SLC16A11: variants seen among roughly 807,000 people sequenced by gnomAD.
The protein encoded by SLC16A11 is solute carrier family 16 member 11.
In SLC16A11, 24 loss-of-function variants were observed where a neutral mutation model predicts 26.0. The observed-to-expected ratio is 0.92, with a 90% CI of 0.67 to 1.30. The LOEUF is 1.30. SLC16A11 is among the 50% of genes most tolerant of loss of function. SLC16A11 has a pLI of 0.00. For synonymous variants in SLC16A11, 332 were observed against 296.0 expected, an observed-to-expected ratio of 1.12 and a Z score of -1.25; for missense variants, 638 against 597.7, an observed-to-expected ratio of 1.07 and a Z score of -0.70.
rs1910857328 is a variant in SLC16A11, at chr17:7,043,391, G to A, written c.123C>T (p.Asp41=). The A allele has an allele frequency of 6.2e-7, 1 of 1,609,604 alleles. No homozygotes were observed. Residue 41 remains aspartate, a synonymous_variant, in exon 2 of 5, where the codon GAC becomes GAT. Transcript: ENST00000574600. The stretch of plus-strand genomic sequence containing the variant: ...CGCTTCGGTCAAAGTGCTCGGCAAG[G>A]TCAGGGAAGGCAAGGCCCAGCGAGC... The part of the protein sequence containing the change: ...LLRSLGLAFP[D]LAEHFDRSAQ...
chr17:7,043,198 T>C, intron 2 of SLC16A11, 114 bp downstream of exon 2: 3 of 1,477,430 alleles, frequency 2.0e-6, no homozygotes, highest in Admixed American at 2.4e-5. Flanking sequence ...GATGCACTCT[T>C]TTCTAGAGCC....
Position 7,042,140 on chromosome 17 carries a change from C to G in SLC16A11, c.970G>C (p.Ala324Pro), listed in dbSNP as rs1910770036. The G allele has an allele frequency of 6.3e-7, 1 of 1,590,566 alleles. No individual in the cohort carries two copies. Among genetic ancestry groups the G allele is most frequent in the African/African-American group, 1.3e-5 (1 of 74,202 alleles). The change falls in exon 4 of 5, where the codon GCC becomes CCC. Residue 324 changes from alanine (A) to proline (P), a missense_variant. Physicochemically the swap from Ala to Pro is conservative, Grantham distance 27. Transcript: ENST00000574600. The surrounding 1 kb of genome is among the most constrained non-coding windows in gnomAD (Gnocchi z 5.9). ...TAACTCCCCGCGCTCAGCCCATAGG[C>G]CACAGCCGCGGCCAGCAGGGGACCC... is the stretch of plus-strand genomic sequence containing the variant. ...WGGPLLAAAV[A>P]YGLSAGSYAP...
rs1337935508 is a variant in SLC16A11 at position 7,042,744 on chromosome 17, C to T, written c.366G>A (p.Val122=). 4 of 1,538,880 alleles carry T rather than the reference C, an allele frequency of 2.6e-6. No homozygotes were observed. The highest frequency in any genetic ancestry group is 2.6e-6 in the Non-Finnish European group (3 of 1,145,512). ...GLLAGFGWAL[V]FAPALGTLSR... ...AGAGGGTGCCTAGGGCGGGGGCGAA[C>T]ACCAGGGCCCAACCAAAGCCTGCGA... The change falls in exon 4 of 5, where the codon GTG becomes GTA. Residue 122 remains valine (V), a synonymous_variant. Coordinates refer to ENST00000574600, the MANE Select transcript of SLC16A11 (RefSeq NM_001370549.1). This position sits in a 1 kb window ranked among gnomAD's most constrained non-coding sequence, Gnocchi z 5.9.
Position 7,042,969 on chromosome 17 carries a change from C to T in SLC16A11, c.307G>A (p.Asp103Asn), listed in dbSNP as rs557902498. 1.2e-6 allele frequency: 2 copies of T among 1,612,580 alleles called. No homozygotes were observed. Among genetic ancestry groups the T allele is most frequent in the Admixed American group, 1.7e-5 (1 of 59,896 alleles). The stretch of plus-strand genomic sequence containing the variant: ...AGGCCGAGGTAGAGATGCAGCAGAT[C>T]GCTGGCGAAAGCCGAGAAGACGAAG... The part of the protein sequence containing the change: ...LGFVFSAFAS[D>N]LLHLYLGLGL... Residue 103 changes from aspartate to asparagine, a missense_variant, in exon 3 of 5, where the codon GAT becomes AAT. Transcript: ENST00000574600. The surrounding 1 kb of genome is among the most constrained non-coding windows in gnomAD (Gnocchi z 5.9).
At chr17:7,043,711 G>A in intron 1 of SLC16A11, 64 bp downstream of exon 1, 1 of 1,176,696 alleles carries the variant, frequency 8.5e-7, no homozygotes, top group African/African-American at 1.6e-5. Context: ...GAGGTACGGG[G>A]ACGGGGACAG....
chr17:7,043,622 G>T, intron 1 of SLC16A11, 103 bp from the exon 2 acceptor site: 1 of 1,503,186 alleles, frequency 6.7e-7, no homozygotes. Context: ...GCCCGGGGTG[G>T]GCCCGTCACT....
At chr17:7,041,938 C>G (rs761023764) in intron 4 of SLC16A11, 30 bp from the exon 5 acceptor site, 4 of 1,609,724 alleles carry the variant, frequency 2.5e-6, no homozygotes, top group East Asian at 4.5e-5. Context: ...CATTTAGAAG[C>G]CTCGAACCCC....
chr17:7,041,741 C>T lies in SLC16A11; in HGVS notation c.1282G>A (p.Ala428Thr), dbSNP rs1016367289. The T allele has an allele frequency of 3.7e-6, 6 of 1,612,864 alleles. No individual in the cohort carries two copies. Among genetic ancestry groups the T allele is most frequent in the African/African-American group, 2.7e-5 (2 of 74,832 alleles). Residue 428 changes from alanine (A) to threonine (T), a missense_variant, in exon 5 of 5, where the codon GCT becomes ACT. Ala to Thr is a moderately conservative substitution (Grantham distance 58). Transcript: ENST00000574600. The stretch of plus-strand genomic sequence containing the variant: ...GGGGACAGCAAGACTGCCTGGGGAG[C>T]GGGAAGCAGCTCCCCCGTCTCTGGG... ...PPPETGELLP[A>T]PQAVLLSPGG...
intron 1 of SLC16A11, 57 bp downstream of exon 1, chr17:7,043,718 A>G (rs1910879255): frequency 9.0e-7 from 1 of 1,108,044 alleles, no homozygotes; most frequent in Non-Finnish European, 1.2e-6. Flanking sequence ...GGGGACGGGG[A>G]CAGCCAGATC....
chr17:7,042,597 G>A lies in SLC16A11; in HGVS notation c.513C>T (p.Gly171=), dbSNP rs1567734546. The A allele has an allele frequency of 5.1e-6, 8 of 1,582,470 alleles. No homozygotes were observed. The highest frequency in any genetic ancestry group is 6.9e-6 in the Non-Finnish European group (8 of 1,167,578). Residue 171 remains glycine (G), a synonymous_variant, in exon 4 of 5, where the codon GGC becomes GGT. Coordinates refer to ENST00000574600, the MANE Select transcript of SLC16A11 (RefSeq NM_001370549.1). The surrounding 1 kb of genome is among the most constrained non-coding windows in gnomAD (Gnocchi z 5.9). ...QLLLDTFGWR[G]ALLLLGAITL... ...TGATCGCGCCGAGGAGGAGCAGAGCGCCCCGCCAGCCGAAAGTATCGAGAA... is the reference window on the plus strand; with the variant it reads ...TGATCGCGCCGAGGAGGAGCAGAGCACCCCGCCAGCCGAAAGTATCGAGAA...
In SLC16A11 at chr17:7,043,840, C is replaced by A. The variant is rs1910885203; in HGVS notation, c.-72G>T. 1 of 434,950 alleles carries A rather than the reference C, an allele frequency of 2.3e-6. No homozygotes were observed. Among genetic ancestry groups the A allele is most frequent in the East Asian group, 3.7e-5 (1 of 27,354 alleles). 26.9% of individuals were successfully genotyped at this position (434,950 alleles called of 1,614,324 possible). On this transcript the variant is annotated 5_prime_UTR_variant, in exon 1 of 5. Coordinates refer to ENST00000574600, the MANE Select transcript of SLC16A11 (RefSeq NM_001370549.1). ...AGGGCTGGGCCCGGCTTTCTCTCTG[C>A]TTCCCAGGCGGGCGGGGGCCCCGAA...
chr17:7,042,959 T>C lies in SLC16A11; in HGVS notation c.317A>G (p.His106Arg), dbSNP rs769188847. 3 of 1,612,970 alleles carry C rather than the reference T, an allele frequency of 1.9e-6. No individual in the cohort carries two copies. Among genetic ancestry groups the C allele is most frequent in the Admixed American group, 1.7e-5 (1 of 59,976 alleles). ...VFSAFASDLL[H>R]LYLGLGLLAG... Reference sequence around the variant, plus strand: ...GAGGAGGCCCAGGCCGAGGTAGAGATGCAGCAGATCGCTGGCGAAAGCCGA... The same window carrying C: ...GAGGAGGCCCAGGCCGAGGTAGAGACGCAGCAGATCGCTGGCGAAAGCCGA... Residue 106 changes from histidine (H) to arginine (R), a missense_variant, in exon 3 of 5, where the codon CAT becomes CGT. Transcript: ENST00000574600. This position sits in a 1 kb window ranked among gnomAD's most constrained non-coding sequence, Gnocchi z 5.9.
intron 1 of SLC16A11, 78 bp downstream of exon 1, chr17:7,043,697 G>A: frequency 7.6e-7 from 1 of 1,322,586 alleles, no homozygotes; most frequent in Non-Finnish European, 1.0e-6. Flanking sequence ...TCCCGGGTCC[G>A]CGCGAGGTAC....
rs755761860 is a variant in SLC16A11, at chr17:7,043,266, G to T, written c.202+46C>A. 1.0e-5 allele frequency: 16 copies of T among 1,571,344 alleles called. No individual in the cohort carries two copies. In the South Asian group the frequency reaches 1.7e-4, roughly 17 times the overall value. On this transcript the variant is annotated intron_variant, in intron 2 of 4. Transcript: ENST00000574600. The stretch of plus-strand genomic sequence containing the variant: ...GTGGGTCTCCCATCCCTCCACTCAC[G>T]GCTCCTCCTCCCCGTTCCTGTCTCC...
In SLC16A11 at chr17:7,042,019, C is replaced by T. The variant is rs200607443; in HGVS notation, c.1091G>A (p.Gly364Glu). 5 of 1,578,218 alleles carry T rather than the reference C, an allele frequency of 3.2e-6. No individual in the cohort carries two copies. The South Asian group carries it at 5.8e-5, about 18-fold the overall frequency. ...ACCTGACAGGGGAGGGCCCAGGAGC[C>T]CCCCGAGGCTCATCAGCATCATCAC... The part of the protein sequence containing the change: ...GLVMMLMSLG[G>E]LLGPPLSGFL... Residue 364 changes from glycine to glutamate, a missense_variant, in exon 4 of 5, where the codon GGG becomes GAG. Gly to Glu is a moderately conservative substitution (Grantham distance 98, BLOSUM62 -2). Coordinates refer to ENST00000574600, the MANE Select transcript of SLC16A11 (RefSeq NM_001370549.1). The surrounding 1 kb of genome is among the most constrained non-coding windows in gnomAD (Gnocchi z 5.9).
chr17:7,042,956 A>G lies in SLC16A11; in HGVS notation c.320T>C (p.Leu107Pro). 4 of 1,613,018 alleles carry G rather than the reference A, an allele frequency of 2.5e-6. No individual in the cohort carries two copies. Among genetic ancestry groups the G allele is most frequent in the Non-Finnish European group, 3.4e-6 (4 of 1,179,792 alleles). The change falls in exon 3 of 5, where the codon CTC (leucine) becomes CCC (proline). Residue 107 changes from leucine (L) to proline (P), a missense_variant. By Grantham distance (98) the Leu-to-Pro change is moderately conservative. Coordinates refer to ENST00000574600, the MANE Select transcript of SLC16A11 (RefSeq NM_001370549.1). This position sits in a 1 kb window ranked among gnomAD's most constrained non-coding sequence, Gnocchi z 5.9. ...AGCGAGGAGGCCCAGGCCGAGGTAG[A>G]GATGCAGCAGATCGCTGGCGAAAGC... ...FSAFASDLLH[L>P]YLGLGLLAGF...
At chr17:7,043,247 C>A in intron 2 of SLC16A11, 65 bp downstream of exon 2, 1 of 1,541,002 alleles carries the variant, frequency 6.5e-7, no homozygotes, top group South Asian at 1.2e-5. Context: ...TCAGGTGGGT[C>A]TCCCATCCCT....
In SLC16A11 at chr17:7,043,401, G is replaced by A; in HGVS notation, c.113C>T (p.Ala38Val). ...AAAGTGCTCGGCAAGGTCAGGGAAG[G>A]CAAGGCCCAGCGAGCGCAGCAGCCC... ...SYGLLRSLGLAFPDLAEHFDR... is the reference protein window; with the variant it reads ...SYGLLRSLGLVFPDLAEHFDR... Residue 38 changes from alanine to valine, a missense_variant, in exon 2 of 5, where the codon GCC (alanine) becomes GTC (valine). Coordinates refer to ENST00000574600, the MANE Select transcript of SLC16A11 (RefSeq NM_001370549.1). 1.2e-6 allele frequency: 2 copies of A among 1,607,892 alleles called. No homozygotes were observed.
In SLC16A11 at chr17:7,043,064, C is replaced by G. The variant is rs760858848; in HGVS notation, c.212G>C (p.Gly71Ala). The change falls in exon 3 of 5, where the codon GGC becomes GCC. Residue 71 changes from glycine (G) to alanine (A), a missense_variant. Transcript: ENST00000574600. The stretch of plus-strand genomic sequence containing the variant: ...CCCCCAGCGCGTGCTCAGGGCGCTG[C>G]CCACGGGGCCTGAAAGGGGGCGGAG... ...LAVQQAASPV[G>A]SALSTRWGAR... 1.0e-5 allele frequency: 16 copies of G among 1,548,236 alleles called. No homozygotes were observed. Among genetic ancestry groups the G allele is most frequent in the Non-Finnish European group, 1.4e-5 (16 of 1,146,776 alleles).
Sources: gnomAD v4.1 joint callset for allele counts on GRCh38, gnomAD v4.1.1 for gene constraint, Gnocchi (gnomAD v3.1) non-coding constraint, MANE v1.5 for transcripts, NCBI Gene and HGNC (gene_info 2026-07-23, HGNC 2026-07-21) for gene names.